Variants in GOT1 observed in about 807,000 individuals in gnomAD.
GOT1 encodes the protein aspartate aminotransferase, cytoplasmic.
GOT1 carries 25 observed loss-of-function variants against 48.2 expected under a neutral mutation model. That is an observed-to-expected ratio of 0.52 (90% CI 0.38 to 0.72). The LOEUF (loss-of-function observed/expected upper bound fraction) is 0.72. Among genes scored for constraint, GOT1 ranks in the 30% least tolerant of loss-of-function variants. The pLI, the probability that GOT1 is intolerant of heterozygous loss-of-function variation, is 0.00. For missense variants in GOT1, 380 were observed against 520.1 expected (o/e 0.73, Z 2.62); for synonymous variants, 188 against 193.8 (o/e 0.97, Z 0.25).
intron 2 of GOT1, among the ~76,000 whole-genome samples, chr10:99,417,407 G>A (rs1369514221): frequency 6.6e-6 from 1 of 152,064 alleles, no homozygotes; most frequent in East Asian, 1.9e-4. Context: ...TTAGAATGGT[G>A]ATCATTAAAA....
chr10:99,398,540 T>G (rs1272650403), intron 8 of GOT1, among the ~76,000 whole-genome samples: 3 of 151,954 alleles, frequency 2.0e-5, no homozygotes, highest in Admixed American at 6.6e-5. Context: ...CGTGGTGGCA[T>G]GTGCCTATGG....
Position 99,397,243 on chromosome 10 carries a change from C to T in GOT1, c.*304G>A, listed in dbSNP as rs2032613576. ...ACCACATAGAAGCACGTGGCCGCCA[C>T]ACACAACACTCCTTTTTAGTGAGAG... On this transcript the variant is annotated 3_prime_UTR_variant, in exon 9 of 9. Transcript: ENST00000370508. The surrounding 1 kb of genome is among the most constrained non-coding windows in gnomAD (Gnocchi z 5.4). 1 of 296,422 alleles carries T rather than the reference C, an allele frequency of 3.4e-6. No individual in the cohort carries two copies. The highest frequency in any genetic ancestry group is 6.4e-6 in the Non-Finnish European group (1 of 155,438). 18.4% of individuals were successfully genotyped at this position (296,422 alleles called of 1,614,324 possible).
rs1031083845 is a variant in GOT1, at chr10:99,397,037, A to G, written c.*510T>C. The G allele has an allele frequency of 1.3e-5, 2 of 156,106 alleles. No individual in the cohort carries two copies. The highest frequency in any genetic ancestry group is 4.8e-5 in the African/African-American group (2 of 41,472). 9.7% of individuals were successfully genotyped at this position (156,106 alleles called of 1,614,324 possible). On this transcript the variant is annotated 3_prime_UTR_variant, in exon 9 of 9. Coordinates refer to ENST00000370508, the MANE Select transcript of GOT1 (RefSeq NM_002079.3). This position sits in a 1 kb window ranked among gnomAD's most constrained non-coding sequence, Gnocchi z 5.4. ...CATGTCATGATTAAATATCCTTCTT[A>G]CCACAGTCACCCTAAAGAACCAAAG...
intron 2 of GOT1, among the ~76,000 whole-genome samples, chr10:99,407,946 T>C (rs948411424): frequency 6.6e-6 from 1 of 152,098 alleles, no homozygotes; most frequent in African/African-American, 2.4e-5. Flanking sequence ...TTTGTCCTAA[T>C]GCTCTCCCTC....
chr10:99,405,255 G>A lies in GOT1; in HGVS notation c.642+501C>T, dbSNP rs562303022. On this transcript the variant is annotated intron_variant, in intron 5 of 8. Transcript: ENST00000370508. ...TAGGAATTCCCACCTAGAAAGTTAC[G>A]CCAAAGAAATAATAAAAGGAAATTT... 3.3e-5 allele frequency among the ~76,000 whole-genome samples: 5 copies of A among 151,886 alleles called. No individual in the cohort carries two copies. The East Asian group carries it at 5.8e-4, about 18-fold the overall frequency.
At chr10:99,421,237 A>C (rs2032961717) in intron 1 of GOT1, among the ~76,000 whole-genome samples, 1 of 152,148 alleles carries the variant, frequency 6.6e-6, no homozygotes, top group Admixed American at 6.5e-5. Context: ...TCCCCAAGAG[A>C]CTTCCAGAAA....
At chr10:99,412,798 C>T (rs2902275) in intron 2 of GOT1, among the ~76,000 whole-genome samples, 137,543 of 152,214 alleles carry the variant, frequency 0.9, 62,202 homozygotes, top group Admixed American at 0.94. Flanking sequence ...CAATATTCCC[C>T]GTTCTGCAGC....
chr10:99,404,258 T>C (rs947527767), intron 5 of GOT1, among the ~76,000 whole-genome samples: 11 of 152,102 alleles, frequency 7.2e-5, no homozygotes, highest in African/African-American at 2.7e-4. Context: ...TGCTAGGTAC[T>C]CAAGAGGAAG....
chr10:99,404,527 T>C (rs2032728530), intron 5 of GOT1, among the ~76,000 whole-genome samples: 1 of 152,096 alleles, frequency 6.6e-6, no homozygotes, highest in Admixed American at 6.5e-5. Context: ...TCTTCAGAGC[T>C]CCCAAATCCT....
At chr10:99,409,486 A>G (rs1343798092) in intron 2 of GOT1, among the ~76,000 whole-genome samples, 1 of 152,242 alleles carries the variant, frequency 6.6e-6, no homozygotes, top group African/African-American at 2.4e-5. Flanking sequence ...AATCTTTTCA[A>G]GAACCTAACA....
chr10:99,417,015 A>G (rs1404634401), intron 2 of GOT1, among the ~76,000 whole-genome samples: 2 of 152,232 alleles, frequency 1.3e-5, no homozygotes, highest in Non-Finnish European at 2.9e-5. Context: ...GGACATAGGC[A>G]TGGGCAAGGA....
intron 2 of GOT1, among the ~76,000 whole-genome samples, chr10:99,415,492 C>T (rs1035825650): frequency 9.9e-5 from 15 of 152,186 alleles, no homozygotes; most frequent in Non-Finnish European, 1.5e-4. Flanking sequence ...GACGGATTCA[C>T]AGCCGAATTC....
Position 99,405,750 on chromosome 10 carries a change from A to G in GOT1, c.642+6T>C, listed in dbSNP as rs2032747031. 2.2e-6 allele frequency: 3 copies of G among 1,360,812 alleles called. No individual in the cohort carries two copies. The highest frequency in any genetic ancestry group is 2.9e-5 in the African/African-American group (2 of 69,934). The allele number at this position is 1,360,812 out of a possible 1,614,324, so 84.3% of individuals were successfully genotyped here. ...TTTTTAAGAGATGCTCTGAAGGGGC[A>G]GTTACCTTCATGACAGAAGCAATCT... On this transcript the variant is annotated splice_donor_region_variant and intron_variant, in intron 5 of 8. Coordinates refer to ENST00000370508, the MANE Select transcript of GOT1 (RefSeq NM_002079.3).
chr10:99,427,508 A>G (rs2033055255), intron 1 of GOT1, among the ~76,000 whole-genome samples: 1 of 152,128 alleles, frequency 6.6e-6, no homozygotes, highest in African/African-American at 2.4e-5. Flanking sequence ...TGACCTCGTG[A>G]TCCGCCCGCC....
intron 1 of GOT1, among the ~76,000 whole-genome samples, chr10:99,421,389 A>G (rs1456251255): frequency 6.6e-6 from 1 of 152,192 alleles, no homozygotes; most frequent in African/African-American, 2.4e-5. Flanking sequence ...GATTTCAATG[A>G]CAGGTGACAC....
At chr10:99,430,197 T>C in intron 1 of GOT1, 2 of 1,012,688 alleles carry the variant, frequency 2.0e-6, no homozygotes, top group Non-Finnish European at 2.9e-6. Context: ...TCGGAAAGAC[T>C]GAGTTTGTGT....
intron 3 of GOT1, 28 bp from the exon 4 acceptor site, chr10:99,406,277 C>T: frequency 6.6e-7 from 1 of 1,524,624 alleles, no homozygotes. Context: ...AAAAGTTAAG[C>T]ACTTTACAAA....
At chr10:99,402,442 T>C (rs148544120) in intron 8 of GOT1, 138 bp downstream of exon 8, 42 of 860,170 alleles carry the variant, frequency 4.9e-5, no homozygotes, top group Middle Eastern at 3.6e-4. Flanking sequence ...TAAGAAAACC[T>C]AACTTGTCCT....
intron 2 of GOT1, among the ~76,000 whole-genome samples, chr10:99,415,145 A>G (rs2032878328): frequency 6.6e-6 from 1 of 152,182 alleles, no homozygotes; most frequent in South Asian, 2.1e-4. Context: ...AAATCAATGA[A>G]TCCAGGAGCT....
Sources: gnomAD v4.1 joint callset for allele counts (sites outside exome capture counted in the v4.1 genomes callset) on GRCh38, gnomAD v4.1.1 for gene constraint, Gnocchi (gnomAD v3.1) non-coding constraint, MANE v1.5 for transcripts, NCBI Gene and HGNC (gene_info 2026-07-23, HGNC 2026-07-21) for gene names.